The following GALNT8 variants were observed in gnomAD, a reference collection of about 807,000 sequenced individuals.
GALNT8 encodes probable polypeptide N-acetylgalactosaminyltransferase 8.
Under a neutral mutation model 62.7 loss-of-function variants are expected in GALNT8, and 66 were observed. That is an observed-to-expected ratio of 1.05 (90% CI 0.86 to 1.29). The LOEUF (loss-of-function observed/expected upper bound fraction) is 1.29, where lower values mean the gene tolerates loss of function less well. GALNT8 is among the 50% of genes most tolerant of loss of function. The pLI is 0.00. For synonymous variants in GALNT8, 288 were observed against 294.3 expected (o/e 0.98, Z 0.22); for missense variants, 771 against 791.8 (o/e 0.97, Z 0.32).
At chr12:4,753,744 G>A (rs184085898) in intron 6 of GALNT8, among the ~76,000 whole-genome samples, 34 of 152,272 alleles carry the variant, frequency 2.2e-4, no homozygotes, top group African/African-American at 8.2e-4. Flanking sequence ...CTGTGTCTGA[G>A]CATTGAAGAG....
chr12:4,759,924 T>C (rs1431501651), intron 6 of GALNT8, among the ~76,000 whole-genome samples: 4 of 152,182 alleles, frequency 2.6e-5, no homozygotes, highest in South Asian at 4.1e-4. Flanking sequence ...TATTAGAATG[T>C]GTGTTTTGAT....
rs779840526 is a variant in GALNT8 at position 4,745,424 on chromosome 12, T to C, written c.861-5T>C. Reference sequence around the variant, plus strand: ...AGCTGGGCTTTCTGCACACTCTTGTTCTAGGGCAGAGCCAATCTTGGCTCG... The same window carrying C: ...AGCTGGGCTTTCTGCACACTCTTGTCCTAGGGCAGAGCCAATCTTGGCTCG... On this transcript the variant is annotated splice_region_variant and splice_polypyrimidine_tract_variant and intron_variant, in intron 4 of 10. Coordinates refer to ENST00000252318, the MANE Select transcript of GALNT8 (RefSeq NM_017417.2). The C allele has an allele frequency of 1.8e-5, 29 of 1,594,262 alleles. No homozygotes were observed.
Position 4,746,167 on chromosome 12 carries a change from T to C in GALNT8, c.1082T>C (p.Leu361Pro). ...PVKSPSIMGILAANRHFLGEI... is the reference protein window; with the variant it reads ...PVKSPSIMGIPAANRHFLGEI... Reference sequence around the variant, plus strand: ...AGGAGTCCTTCAATCATGGGCATCCTGGCTGCTAACAGGCACTTCCTGGGA... The same window carrying C: ...AGGAGTCCTTCAATCATGGGCATCCCGGCTGCTAACAGGCACTTCCTGGGA... Residue 361 changes from leucine (L) to proline (P), a missense_variant, in exon 6 of 11, where the codon CTG (leucine) becomes CCG (proline). Leu to Pro is a moderately conservative substitution (Grantham distance 98, BLOSUM62 -3). Coordinates refer to ENST00000252318, the MANE Select transcript of GALNT8 (RefSeq NM_017417.2). The C allele has an allele frequency of 6.2e-7, 1 of 1,611,404 alleles. No homozygotes were observed. Among genetic ancestry groups the C allele is most frequent in the East Asian group, 2.2e-5 (1 of 44,860 alleles).
At chr12:4,739,070 G>C (rs1946258536) in intron 2 of GALNT8, 93 bp from the exon 3 acceptor site, 1 of 697,502 alleles carries the variant, frequency 1.4e-6, no homozygotes, top group African/African-American at 1.8e-5. Flanking sequence ...TGAATTGGTC[G>C]ATATAACATC....
At chr12:4,770,636 A>T (rs948614333) in intron 10 of GALNT8, among the ~76,000 whole-genome samples, 1 of 152,190 alleles carries the variant, frequency 6.6e-6, no homozygotes, top group African/African-American at 2.4e-5. Flanking sequence ...AAGTGTGATC[A>T]CTAGCTCCAT....
chr12:4,752,157 T>A (rs1403863891), intron 6 of GALNT8, among the ~76,000 whole-genome samples: 1 of 152,168 alleles, frequency 6.6e-6, no homozygotes, highest in East Asian at 1.9e-4. Flanking sequence ...AGGTGAAGTA[T>A]GTTTCTTATA....
At chr12:4,765,352 C>CTTTTT (rs35971936) in intron 9 of GALNT8, 27 bp from the exon 10 acceptor site, 43 of 1,014,792 alleles carry the variant, frequency 4.2e-5, no homozygotes, top group South Asian at 1.9e-4. Context: ...GAGCCCTCTG[C>CTTTTT]TTTTTTTTTT....
intron 3 of GALNT8, 59 bp from the exon 4 acceptor site, chr12:4,744,457 CT>C: frequency 1.6e-6 from 2 of 1,245,974 alleles, no homozygotes; most frequent in Admixed American, 4.3e-5. Flanking sequence ...TAGTATAAAA[CT>C]TTTGTATCAC....
At chr12:4,738,057 G>A (rs975288041) in intron 2 of GALNT8, among the ~76,000 whole-genome samples, 2 of 152,172 alleles carry the variant, frequency 1.3e-5, no homozygotes, top group African/African-American at 4.8e-5. Flanking sequence ...TCTACATGGT[G>A]GAATGAAAAT....
rs1476186629 is a variant in GALNT8, at chr12:4,739,193, C to G, written c.540C>G (p.Leu180=). 9 of 1,612,576 alleles carry G rather than the reference C, an allele frequency of 5.6e-6. No individual in the cohort carries two copies. Among genetic ancestry groups the G allele is most frequent in the Non-Finnish European group, 7.6e-6 (9 of 1,178,734 alleles). ...TTCGGAAGACATATCCTTCCCAACTCCCATCCCTCAGTGTCATTCTCATAT... is the reference window on the plus strand; with the variant it reads ...TTCGGAAGACATATCCTTCCCAACTGCCATCCCTCAGTGTCATTCTCATAT... ...RCLRKTYPSQ[L]PSLSVILIFV... Residue 180 remains leucine (L), a synonymous_variant, in exon 3 of 11, where the codon CTC becomes CTG. Transcript: ENST00000252318.
chr12:4,720,525 G>T lies in GALNT8; in HGVS notation c.-153G>T. Reference sequence around the variant, plus strand: ...AGACTTTGCTCCTCAGAGGCCACCCGTGGCTTCCCATGGGTGTCTCACACA... The same window carrying T: ...AGACTTTGCTCCTCAGAGGCCACCCTTGGCTTCCCATGGGTGTCTCACACA... On this transcript the variant is annotated 5_prime_UTR_variant, in exon 1 of 11. Coordinates refer to ENST00000252318, the MANE Select transcript of GALNT8 (RefSeq NM_017417.2). The T allele has an allele frequency of 1.6e-6, 1 of 625,232 alleles. No individual in the cohort carries two copies. Among genetic ancestry groups the T allele is most frequent in the East Asian group, 2.7e-5 (1 of 36,718 alleles). The allele number at this position is 625,232 out of a possible 1,614,324, so 38.7% of individuals were successfully genotyped here.
chr12:4,755,025 G>C (rs7295230), intron 6 of GALNT8, among the ~76,000 whole-genome samples: 77,544 of 151,902 alleles, frequency 0.51, 20,483 homozygotes, highest in Non-Finnish European at 0.59. Context: ...GAAGGAAGGG[G>C]TCTGTTTTGG....
chr12:4,736,712 C>T (rs974730312), intron 2 of GALNT8, among the ~76,000 whole-genome samples: 4 of 151,838 alleles, frequency 2.6e-5, no homozygotes, highest in South Asian at 2.1e-4. Context: ...AAATAAACAA[C>T]GAAGCAAATT....
intron 7 of GALNT8, among the ~76,000 whole-genome samples, chr12:4,761,726 G>A (rs1424449314): frequency 6.6e-6 from 1 of 152,078 alleles, no homozygotes; most frequent in Non-Finnish European, 1.5e-5. Context: ...ACCCAGCCAA[G>A]GTTGGCCTTC....
chr12:4,720,599 T>A lies in GALNT8; in HGVS notation c.-79T>A. 1.1e-6 allele frequency: 1 copy of A among 945,660 alleles called. No homozygotes were observed. Among genetic ancestry groups the A allele is most frequent in the Non-Finnish European group, 1.7e-6 (1 of 574,426 alleles). 58.6% of individuals were successfully genotyped at this position (945,660 alleles called of 1,614,324 possible). A position where few individuals can be genotyped will look rare whatever the true frequency, so the allele number is the denominator to read the frequency against. On this transcript the variant is annotated 5_prime_UTR_variant, in exon 1 of 11. Transcript: ENST00000252318. ...CTAGAACTCTCTTTCCCACAAAAGC[T>A]AGGCTGGTTCTGATTCTTAACCTGC...
intron 8 of GALNT8, among the ~76,000 whole-genome samples, 175 bp downstream of exon 8, chr12:4,763,565 A>G (rs995142130): frequency 2.0e-5 from 3 of 151,314 alleles, no homozygotes; most frequent in Non-Finnish European, 2.9e-5. Context: ...CCCGATCCCC[A>G]TCTCTTTTCC....
At chr12:4,759,394 G>T (rs903678685) in intron 6 of GALNT8, among the ~76,000 whole-genome samples, 7 of 151,448 alleles carry the variant, frequency 4.6e-5, no homozygotes, top group African/African-American at 1.7e-4. Flanking sequence ...CCAAATAGTG[G>T]CTGTGCCCTT....
At chr12:4,734,331 A>G (rs972844628) in intron 2 of GALNT8, among the ~76,000 whole-genome samples, 1 of 152,198 alleles carries the variant, frequency 6.6e-6, no homozygotes, top group African/African-American at 2.4e-5. Context: ...CAGCATTGGT[A>G]TCACTTGGGA....
intron 9 of GALNT8, 21 bp from the exon 10 acceptor site, chr12:4,765,358 T>C: frequency 1.5e-6 from 2 of 1,374,364 alleles, no homozygotes; most frequent in African/African-American, 1.5e-5. Flanking sequence ...TCTGCTTTTT[T>C]TTTTTTTTTT....
Sources: allele counts gnomAD v4.1 joint callset (sites outside exome capture counted in the v4.1 genomes callset), GRCh38; gene constraint gnomAD v4.1.1; transcripts MANE v1.5; gene names NCBI Gene and HGNC (gene_info 2026-07-23, HGNC 2026-07-21).